The following ARHGAP32 variants were observed in gnomAD, a reference collection of about 807,000 sequenced individuals.
ARHGAP32 encodes Rho GTPase activating protein 32, also known as rho GTPase-activating protein 32.
ARHGAP32 carries 51 observed loss-of-function variants against 186.5 expected under a neutral mutation model. The ratio of observed to expected loss-of-function variants is 0.27; its 90% CI spans 0.22 to 0.35. The LOEUF (loss-of-function observed/expected upper bound fraction) is 0.35. Among genes scored for constraint, ARHGAP32 ranks in the 10% least tolerant of loss-of-function variants. ARHGAP32 has a pLI of 1.00. For synonymous variants in ARHGAP32, 950 were observed against 964.3 expected, an observed-to-expected ratio of 0.99 and a Z score of 0.27; for missense variants, 2,186 against 2,623.5, an observed-to-expected ratio of 0.83 and a Z score of 3.64.
rs1193334113 is a variant in ARHGAP32 at position 128,970,176 on chromosome 11, C to A, written c.5037G>T (p.Gly1679=). ...CATAGGCATCCACATCACACAGGGC[C>A]CCATCTGGACTGTAATAGGAACTAG... The part of the protein sequence containing the change: ...SSSSSYYSPD[G]ALCDVDAYGT... Residue 1679 remains glycine, a synonymous_variant, in exon 23 of 23, where the codon GGG becomes GGT. Coordinates refer to ENST00000682385, the MANE Select transcript of ARHGAP32 (RefSeq NM_001378024.1). This position sits in a 1 kb window ranked among gnomAD's most constrained non-coding sequence, Gnocchi z 5.8. 1 of 1,614,004 alleles carries A rather than the reference C, an allele frequency of 6.2e-7. No homozygotes were observed. The highest frequency in any genetic ancestry group is 8.5e-7 in the Non-Finnish European group (1 of 1,180,036).
intron 2 of ARHGAP32, among the ~76,000 whole-genome samples, chr11:129,138,139 T>C (rs1168586485): frequency 1.3e-5 from 2 of 151,874 alleles, no homozygotes; most frequent in East Asian, 3.8e-4. Flanking sequence ...GTGAAGTTTA[T>C]CAATAATAAA....
intron 1 of ARHGAP32, among the ~76,000 whole-genome samples, chr11:129,227,565 T>C (rs970692509): frequency 6.7e-6 from 1 of 150,290 alleles, no homozygotes; most frequent in Admixed American, 6.6e-5. Flanking sequence ...AGGTTGAAAG[T>C]GAAAGGATGG....
intron 10 of ARHGAP32, 34 bp from the exon 11 acceptor site, chr11:129,041,043 C>T (rs1939571186): frequency 6.8e-7 from 1 of 1,462,150 alleles, no homozygotes; most frequent in Non-Finnish European, 9.4e-7. Flanking sequence ...GATTCTAAAC[C>T]AGCAAACAGA....
intron 1 of ARHGAP32, chr11:129,203,148 A>C (rs1944475271): frequency 6.6e-6 from 1 of 152,224 alleles, no homozygotes; most frequent in African/African-American, 2.4e-5. Context: ...AGACTCAACA[A>C]ATAACAAAAA....
chr11:129,161,889 A>G lies in ARHGAP32; in HGVS notation c.225+2430T>C, dbSNP rs913999058. The stretch of plus-strand genomic sequence containing the variant: ...CTGTTCACAACAGCAAAGACTTGGA[A>G]CCAACCCAAATGCCCATCAATGATA... On this transcript the variant is annotated intron_variant, in intron 2 of 22. Coordinates refer to ENST00000682385, the MANE Select transcript of ARHGAP32 (RefSeq NM_001378024.1). 3.3e-5 allele frequency among the ~76,000 whole-genome samples: 5 copies of G among 152,314 alleles called. No homozygotes were observed. In the East Asian group the frequency reaches 9.6e-4, roughly 29 times the overall value.
intron 2 of ARHGAP32, among the ~76,000 whole-genome samples, chr11:129,144,633 T>C (rs1432636559): frequency 6.6e-6 from 1 of 152,118 alleles, no homozygotes; most frequent in African/African-American, 2.4e-5. Flanking sequence ...GACAGGTAAA[T>C]TTCAGTAGCT....
chr11:128,979,022 A>AT (rs1440883877), intron 18 of ARHGAP32, 107 bp from the exon 19 acceptor site: 28 of 1,020,970 alleles, frequency 2.7e-5, no homozygotes, highest in Non-Finnish European at 3.9e-5. Flanking sequence ...CTGGAGAAGC[A>AT]TAAGTGAAAC....
chr11:128,973,343 G>A lies in ARHGAP32; in HGVS notation c.3163C>T (p.Arg1055Ter), dbSNP rs779048644. Residue 1055 changes from arginine to a stop codon, truncating the protein, a stop_gained, in exon 22 of 23, where the codon CGA (arginine) becomes TGA (stop). Coordinates refer to ENST00000682385, the MANE Select transcript of ARHGAP32 (RefSeq NM_001378024.1). LOFTEE classifies it high-confidence loss of function. ...TCAGCTAATGCTAGCGCCAACATTC[G>A]GGCAACATTTTTCGGAGGCGGTGGT... is the stretch of plus-strand genomic sequence containing the variant. ...PPPPPPKNVA[R>*]MLALALAESA... 2 of 1,614,082 alleles carry A rather than the reference G, an allele frequency of 1.2e-6. No individual in the cohort carries two copies. The highest frequency in any genetic ancestry group is 8.5e-7 in the Non-Finnish European group (1 of 1,180,028).
At chr11:129,186,219 T>C (rs1944157783) in intron 1 of ARHGAP32, among the ~76,000 whole-genome samples, 2 of 152,188 alleles carry the variant, frequency 1.3e-5, no homozygotes, top group Admixed American at 1.3e-4. Context: ...GGAACTTTTA[T>C]ACAGGTCTAT....
At chr11:129,224,404 G>C (rs1251883530) in intron 1 of ARHGAP32, among the ~76,000 whole-genome samples, 1 of 152,136 alleles carries the variant, frequency 6.6e-6, no homozygotes, top group Non-Finnish European at 1.5e-5. Flanking sequence ...GAAAACAGTA[G>C]AGTGAGTACC....
intron 5 of ARHGAP32, among the ~76,000 whole-genome samples, chr11:129,114,807 TCACTTTTCTATCACCA>T (rs1325070182): frequency 6.6e-6 from 1 of 152,154 alleles, no homozygotes; most frequent in Admixed American, 6.6e-5. Flanking sequence ...TGTATTGAGT[TCACTTTTCTATCACCA>T]TGGAAACCAA....
At chr11:129,119,361 G>A (rs529404092) in intron 5 of ARHGAP32, among the ~76,000 whole-genome samples, 2 of 151,840 alleles carry the variant, frequency 1.3e-5, no homozygotes, top group East Asian at 3.9e-4. Flanking sequence ...AAACAGGATG[G>A]TTACATAATT....
intron 10 of ARHGAP32, among the ~76,000 whole-genome samples, chr11:129,056,745 G>A (rs1281498208): frequency 1.3e-5 from 2 of 152,144 alleles, no homozygotes; most frequent in Admixed American, 6.5e-5. Context: ...ACATCGAGCT[G>A]AGCAGAGCTG....
chr11:129,178,839 C>G lies in ARHGAP32; in HGVS notation c.116+13244G>C, dbSNP rs376939416. On this transcript the variant is annotated intron_variant, in intron 1 of 22. Coordinates refer to ENST00000682385, the MANE Select transcript of ARHGAP32 (RefSeq NM_001378024.1). Reference sequence around the variant, plus strand: ...ATATTAGACCTAAAACCATAAAAACCCTAGAAGAAAACCTAGGCATTACCA... The same window carrying G: ...ATATTAGACCTAAAACCATAAAAACGCTAGAAGAAAACCTAGGCATTACCA... Among the ~76,000 whole-genome samples the G allele has an allele frequency of 8.3e-4, 126 of 151,128 alleles. No individual in the cohort carries two copies. In the East Asian group the frequency reaches 0.02, roughly 24 times the overall value.
intron 1 of ARHGAP32, among the ~76,000 whole-genome samples, chr11:129,278,897 C>A (rs1407308439): frequency 6.8e-6 from 1 of 146,426 alleles, no homozygotes; most frequent in Non-Finnish European, 1.5e-5. Flanking sequence ...GCCCGGCTCG[C>A]GGAGGCCGCG....
chr11:129,088,578 C>T (rs58093834), intron 6 of ARHGAP32, among the ~76,000 whole-genome samples: 21,279 of 151,300 alleles, frequency 0.14, 1,724 homozygotes, highest in African/African-American at 0.22. Context: ...GACTCCTTCT[C>T]AATCAATCAA....
chr11:129,034,861 A>G (rs1165685822), intron 11 of ARHGAP32, among the ~76,000 whole-genome samples: 1 of 151,824 alleles, frequency 6.6e-6, no homozygotes, highest in East Asian at 1.9e-4. Context: ...TAAAAAAAAA[A>G]AAAGAAAAAA....
At chr11:129,253,398 A>G (rs1358535735) in intron 1 of ARHGAP32, among the ~76,000 whole-genome samples, 2 of 152,168 alleles carry the variant, frequency 1.3e-5, no homozygotes, top group African/African-American at 2.4e-5. Flanking sequence ...CATGTAGCAC[A>G]TGTTTATTTT....
At chr11:129,171,531 T>C (rs2135505311) in intron 1 of ARHGAP32, among the ~76,000 whole-genome samples, 1 of 152,328 alleles carries the variant, frequency 6.6e-6, no homozygotes, top group Non-Finnish European at 1.5e-5. Flanking sequence ...TTGGTCTATA[T>C]GTCTGTTTTG....
Sources: gnomAD v4.1 joint callset for allele counts (sites outside exome capture counted in the v4.1 genomes callset) on GRCh38, gnomAD v4.1.1 for gene constraint, Gnocchi (gnomAD v3.1) non-coding constraint, MANE v1.5 for transcripts, NCBI Gene and HGNC (gene_info 2026-07-23, HGNC 2026-07-21) for gene names.